The following SOX5 variants were observed in gnomAD, a reference collection of about 807,000 sequenced individuals.
The protein encoded by SOX5 is transcription factor SOX-5.
In SOX5, 9 loss-of-function variants were observed where a neutral mutation model predicts 92.0. That is an observed-to-expected ratio of 0.10 (90% CI 0.06 to 0.17). The LOEUF (loss-of-function observed/expected upper bound fraction) is 0.17. SOX5 is among the 10% of genes least tolerant of loss of function. The probability of loss-of-function intolerance (pLI) is 1.00; values close to 1 mark genes in which losing one functional copy is unlikely to be tolerated. For missense variants in SOX5, 642 were observed against 944.5 expected (o/e 0.68, Z 4.20); for synonymous variants, 344 against 336.3 (o/e 1.02, Z -0.25).
intron 1 of SOX5, among the ~76,000 whole-genome samples, chr12:24,426,024 A>G (rs969532988): frequency 6.6e-6 from 1 of 152,194 alleles, no homozygotes; most frequent in African/African-American, 2.4e-5. Flanking sequence ...GAAAAAAACA[A>G]AAGAGCAATA....
chr12:24,534,236 G>A (rs1422245106), intron 1 of SOX5, among the ~76,000 whole-genome samples: 1 of 151,100 alleles, frequency 6.6e-6, no homozygotes, highest in African/African-American at 2.4e-5. Context: ...GCAGTTGAGG[G>A]TTTCATGTTA....
intron 6 of SOX5, among the ~76,000 whole-genome samples, chr12:23,717,717 G>A (rs1232054878): frequency 2.0e-5 from 3 of 152,180 alleles, no homozygotes; most frequent in Admixed American, 6.6e-5. Flanking sequence ...CAGCCAGAAC[G>A]GAATAAAACT....
intron 8 of SOX5, among the ~76,000 whole-genome samples, chr12:23,627,325 T>G (rs1257459439): frequency 1.3e-5 from 2 of 152,152 alleles, no homozygotes; most frequent in Admixed American, 1.3e-4. Context: ...GGATATTTTG[T>G]TTTCATAAAG....
chr12:24,443,518 C>T (rs1940987814), intron 1 of SOX5, among the ~76,000 whole-genome samples: 1 of 152,148 alleles, frequency 6.6e-6, no homozygotes. Context: ...TACTTCTTTA[C>T]ATAAACTAGG....
At chr12:24,172,024 C>T (rs1275519946) in intron 4 of SOX5, among the ~76,000 whole-genome samples, 1 of 151,890 alleles carries the variant, frequency 6.6e-6, no homozygotes, top group African/African-American at 2.4e-5. Context: ...AATATGAGAA[C>T]TTGCCACTTT....
chr12:23,995,249 C>T (rs1950926606), intron 4 of SOX5, among the ~76,000 whole-genome samples: 1 of 152,148 alleles, frequency 6.6e-6, no homozygotes, highest in Non-Finnish European at 1.5e-5. Flanking sequence ...ATACGTCTGA[C>T]ATTTAGCAAG....
intron 4 of SOX5, among the ~76,000 whole-genome samples, chr12:23,960,611 C>T (rs1467810720): frequency 1.4e-5 from 2 of 146,312 alleles, no homozygotes; most frequent in East Asian, 2.0e-4. Flanking sequence ...AGGGATACAA[C>T]AACACGATGG....
At chr12:24,272,895 G>A (rs1004239866) in intron 3 of SOX5, among the ~76,000 whole-genome samples, 2 of 151,092 alleles carry the variant, frequency 1.3e-5, no homozygotes, top group Non-Finnish European at 2.9e-5. Context: ...AAATGAATTC[G>A]GATTGTTACC....
At chr12:24,189,960 T>C (rs1004351498) in intron 4 of SOX5, among the ~76,000 whole-genome samples, 1 of 152,162 alleles carries the variant, frequency 6.6e-6, no homozygotes. Context: ...TGTGGCAGAA[T>C]GAAAATATAT....
chr12:23,995,488 G>C (rs1950944757), intron 4 of SOX5, among the ~76,000 whole-genome samples: 1 of 152,086 alleles, frequency 6.6e-6, no homozygotes, highest in Admixed American at 6.6e-5. Flanking sequence ...TGAGGCCCAG[G>C]AGCTTGAGAC....
chr12:23,938,549 A>G (rs1943045337), intron 1 of SOX5, among the ~76,000 whole-genome samples: 1 of 151,072 alleles, frequency 6.6e-6, no homozygotes, highest in African/African-American at 2.4e-5. Flanking sequence ...CTACGAAATG[A>G]TTCATTTTCG....
At chr12:23,888,446 A>G (rs2097094728) in intron 2 of SOX5, among the ~76,000 whole-genome samples, 1 of 151,992 alleles carries the variant, frequency 6.6e-6, no homozygotes, top group Admixed American at 6.6e-5. Context: ...ATACTCATTA[A>G]TTTCTCAAGG....
intron 2 of SOX5, among the ~76,000 whole-genome samples, chr12:24,362,671 A>G (rs1408461810): frequency 1.3e-5 from 2 of 152,204 alleles, no homozygotes; most frequent in East Asian, 3.8e-4. Context: ...CTCTGTGATC[A>G]GGTAAGGAGT....
At chr12:24,152,414 G>T (rs911885824) in intron 4 of SOX5, among the ~76,000 whole-genome samples, 1 of 152,118 alleles carries the variant, frequency 6.6e-6, no homozygotes, top group African/African-American at 2.4e-5. Flanking sequence ...GGTGTCCCCA[G>T]AAAGTGAGCT....
chr12:24,335,611 C>T (rs1951796138), intron 2 of SOX5, among the ~76,000 whole-genome samples: 1 of 151,996 alleles, frequency 6.6e-6, no homozygotes, highest in Non-Finnish European at 1.5e-5. Context: ...CCATGCTGTC[C>T]CGTTTAAAAT....
chr12:24,158,440 A>G (rs562128187), intron 4 of SOX5, among the ~76,000 whole-genome samples: 1 of 151,476 alleles, frequency 6.6e-6, no homozygotes, highest in Admixed American at 6.6e-5. Context: ...TACATATTTG[A>G]AAAAAAGTCT....
At chr12:24,343,867 C>A (rs1340936500) in intron 2 of SOX5, among the ~76,000 whole-genome samples, 1 of 152,114 alleles carries the variant, frequency 6.6e-6, no homozygotes, top group East Asian at 1.9e-4. Flanking sequence ...AGAAAGCCGA[C>A]TGTAAGTTGT....
chr12:24,424,652 C>G (rs1259449162), intron 1 of SOX5, among the ~76,000 whole-genome samples: 1 of 152,156 alleles, frequency 6.6e-6, no homozygotes, highest in African/African-American at 2.4e-5. Flanking sequence ...CTTCCCAACA[C>G]TATAGTTTCC....
chr12:23,645,479 T>C (rs2080716415), intron 7 of SOX5, among the ~76,000 whole-genome samples: 3 of 152,152 alleles, frequency 2.0e-5, no homozygotes, highest in Admixed American at 2.0e-4. Flanking sequence ...ATTAAAGAGC[T>C]TAAGTAGTAG....
Sources: gnomAD v4.1 joint callset for allele counts (sites outside exome capture counted in the v4.1 genomes callset) on GRCh38, gnomAD v4.1.1 for gene constraint, MANE v1.5 for transcripts, NCBI Gene and HGNC (gene_info 2026-07-23, HGNC 2026-07-21) for gene names.